Variants in LDLRAD3 observed in about 807,000 individuals in gnomAD.
LDLRAD3 encodes low-density lipoprotein receptor class A domain-containing protein 3.
A neutral mutation model predicts 29.4 loss-of-function variants in LDLRAD3; 20 were observed. The observed-to-expected ratio is 0.68, with a 90% CI of 0.48 to 0.99. LDLRAD3 has a LOEUF of 0.99. Ranked by LOEUF, LDLRAD3 falls within the 50% of genes least tolerant of loss-of-function variation. The pLI, the probability that LDLRAD3 is intolerant of heterozygous loss-of-function variation, is 0.00. For synonymous variants in LDLRAD3, 157 were observed against 192.7 expected (o/e 0.81, Z 1.53); for missense variants, 420 against 454.3 (o/e 0.92, Z 0.69).
chr11:36,184,755 C>G (rs1236109202), intron 4 of LDLRAD3, among the ~76,000 whole-genome samples: 2 of 152,184 alleles, frequency 1.3e-5, no homozygotes, highest in African/African-American at 2.4e-5. Context: ...GCAAAGACAG[C>G]CTTCTCCACA....
chr11:36,144,014 A>G lies in LDLRAD3; in HGVS notation c.454+45553A>G, dbSNP rs992066449. On this transcript the variant is annotated intron_variant, in intron 4 of 5. Coordinates refer to ENST00000315571, the MANE Select transcript of LDLRAD3 (RefSeq NM_174902.4). ...GACTGTACTGCTGCCATCTCGGCTC[A>G]CTGCAACCTCCCTGCCTGATTCTCC... Among the ~76,000 whole-genome samples, 42 of 146,054 alleles carry G rather than the reference A, an allele frequency of 2.9e-4. No homozygotes were observed. The Middle Eastern group carries it at 0.011, about 37-fold the overall frequency.
chr11:36,068,685 T>G (rs1458169880), intron 2 of LDLRAD3, among the ~76,000 whole-genome samples: 1 of 152,106 alleles, frequency 6.6e-6, no homozygotes, highest in African/African-American at 2.4e-5. Context: ...CCTGGCTAAT[T>G]TTTTGTATTT....
At chr11:36,004,920 G>A (rs1169313372) in intron 1 of LDLRAD3, among the ~76,000 whole-genome samples, 1 of 152,188 alleles carries the variant, frequency 6.6e-6, no homozygotes, top group Non-Finnish European at 1.5e-5. Flanking sequence ...AGCTGGAGTG[G>A]CTAGGACACA....
chr11:35,972,191 C>T (rs1851421734), intron 1 of LDLRAD3, among the ~76,000 whole-genome samples: 1 of 151,888 alleles, frequency 6.6e-6, no homozygotes, highest in South Asian at 2.1e-4. Context: ...CAGAGTTTCA[C>T]AGAAACCAGA....
intron 2 of LDLRAD3, among the ~76,000 whole-genome samples, chr11:36,038,001 A>T (rs2133211713): frequency 6.6e-6 from 1 of 152,222 alleles, no homozygotes; most frequent in Middle Eastern, 3.4e-3. Context: ...GACTCAAGTG[A>T]TCCTCCCACT....
intron 1 of LDLRAD3, among the ~76,000 whole-genome samples, chr11:35,995,570 A>T (rs1483368444): frequency 6.6e-6 from 1 of 152,214 alleles, no homozygotes; most frequent in Non-Finnish European, 1.5e-5. Flanking sequence ...TCTTAACAAG[A>T]CAGTTAGCCT....
intron 4 of LDLRAD3, among the ~76,000 whole-genome samples, chr11:36,111,272 C>T (rs1166030210): frequency 2.0e-5 from 3 of 152,060 alleles, no homozygotes; most frequent in African/African-American, 4.8e-5. Flanking sequence ...CCTGGGGAAT[C>T]GGGGAATCGT....
chr11:36,183,810 AAT>A (rs1389489241), intron 4 of LDLRAD3, among the ~76,000 whole-genome samples: 86 of 152,178 alleles, frequency 5.7e-4, no homozygotes, highest in African/African-American at 2.0e-3. Flanking sequence ...CTGCGTTCTG[AAT>A]AATTCTTCTT....
At chr11:36,062,365 GTCTT>G (rs1852714312) in intron 2 of LDLRAD3, among the ~76,000 whole-genome samples, 1 of 152,156 alleles carries the variant, frequency 6.6e-6, no homozygotes, top group South Asian at 2.1e-4. Context: ...GGCCAGGTAA[GTCTT>G]TCTTTTTGTT....
intron 4 of LDLRAD3, chr11:36,110,096 T>C (rs1853585696): frequency 6.6e-6 from 1 of 152,120 alleles, no homozygotes; most frequent in African/African-American, 2.4e-5. Context: ...TGTGTACAGG[T>C]GGGGTTTTCT....
intron 2 of LDLRAD3, among the ~76,000 whole-genome samples, chr11:36,064,655 C>A (rs1486444739): frequency 6.6e-6 from 1 of 151,926 alleles, no homozygotes; most frequent in Non-Finnish European, 1.5e-5. Context: ...AGTTTGAAAT[C>A]GTTCTTGTTT....
intron 4 of LDLRAD3, among the ~76,000 whole-genome samples, chr11:36,116,701 A>G (rs539614500): frequency 2.2e-4 from 34 of 152,060 alleles, no homozygotes; most frequent in African/African-American, 8.2e-4. Flanking sequence ...TAAAAAAATA[A>G]CAACTGGCAC....
chr11:36,216,248 G>A (rs1340347810), intron 4 of LDLRAD3, among the ~76,000 whole-genome samples: 1 of 152,132 alleles, frequency 6.6e-6, no homozygotes, highest in African/African-American at 2.4e-5. Flanking sequence ...CAAAGGCCAG[G>A]GATTCCCCTT....
At chr11:36,084,306 A>G (rs1375929871) in intron 3 of LDLRAD3, among the ~76,000 whole-genome samples, 7 of 152,234 alleles carry the variant, frequency 4.6e-5, no homozygotes, top group South Asian at 4.2e-4. Context: ...TTCCTCTGAC[A>G]TAGCTACCAT....
At chr11:36,092,385 T>C (rs1853296333) in intron 3 of LDLRAD3, among the ~76,000 whole-genome samples, 1 of 152,198 alleles carries the variant, frequency 6.6e-6, no homozygotes, top group South Asian at 2.1e-4. Flanking sequence ...TGTGATCAAG[T>C]CAGGGTATTC....
chr11:36,156,080 G>C (rs910573252), intron 4 of LDLRAD3, among the ~76,000 whole-genome samples: 34 of 152,308 alleles, frequency 2.2e-4, no homozygotes, highest in African/African-American at 8.2e-4. Context: ...CCATACAAGA[G>C]ATTGACTCTG....
At chr11:36,029,033 A>G (rs928936475) in intron 1 of LDLRAD3, among the ~76,000 whole-genome samples, 4 of 152,344 alleles carry the variant, frequency 2.6e-5, no homozygotes, top group Middle Eastern at 3.4e-3. Context: ...TCACAGGGTC[A>G]GGAGATCGAG....
At chr11:36,039,248 C>T (rs1441236899) in intron 2 of LDLRAD3, among the ~76,000 whole-genome samples, 2 of 152,126 alleles carry the variant, frequency 1.3e-5, no homozygotes, top group Non-Finnish European at 2.9e-5. Flanking sequence ...GGATTACAGG[C>T]GTGAGCCACC....
At chr11:36,120,135 A>T (rs1014766342) in intron 4 of LDLRAD3, among the ~76,000 whole-genome samples, 2 of 152,196 alleles carry the variant, frequency 1.3e-5, no homozygotes, top group Admixed American at 1.3e-4. Flanking sequence ...TTAAATAAAT[A>T]CACTGCATAG....
Sources: allele counts gnomAD v4.1 joint callset (sites outside exome capture counted in the v4.1 genomes callset), GRCh38; gene constraint gnomAD v4.1.1; transcripts MANE v1.5; gene names NCBI Gene and HGNC (gene_info 2026-07-23, HGNC 2026-07-21).